PCDHA11: variants seen among roughly 807,000 people sequenced by gnomAD.
PCDHA11 encodes protocadherin alpha 11.
Under a neutral mutation model 70.3 loss-of-function variants are expected in PCDHA11, and 61 were observed. That is an observed-to-expected ratio of 0.87 (90% CI 0.71 to 1.07). PCDHA11 has a LOEUF of 1.07. PCDHA11 is among the 50% of genes least tolerant of loss of function. The probability of loss-of-function intolerance (pLI) is 0.00; values close to 1 mark genes in which losing one functional copy is unlikely to be tolerated. For synonymous variants in PCDHA11, 633 were observed against 555.1 expected (o/e 1.14, Z -1.97); for missense variants, 1,324 against 1,237.5 (o/e 1.07, Z -1.05).
chr5:140,983,334 T>A (rs1314550664), intron 3 of PCDHA11, among the ~76,000 whole-genome samples: 1 of 152,234 alleles, frequency 6.6e-6, no homozygotes, highest in African/African-American at 2.4e-5. Context: ...GCCCTATCAC[T>A]AAAGCAGGGT....
intron 3 of PCDHA11, among the ~76,000 whole-genome samples, chr5:140,991,686 A>G (rs2097465682): frequency 6.6e-6 from 1 of 152,196 alleles, no homozygotes; most frequent in Non-Finnish European, 1.5e-5. Context: ...AGTCCTCTCT[A>G]GTAGAGCCAT....
intron 1 of PCDHA11, chr5:140,966,228 A>G: frequency 3.6e-6 from 1 of 275,386 alleles, no homozygotes; most frequent in Admixed American, 5.3e-5. Context: ...AATCTCCTTA[A>G]AGACCCGTTA....
chr5:140,984,389 A>T (rs1346769556), intron 3 of PCDHA11, among the ~76,000 whole-genome samples: 2 of 152,208 alleles, frequency 1.3e-5, no homozygotes, highest in African/African-American at 4.8e-5. Flanking sequence ...AGATTCAAAA[A>T]ATGTTGAGAA....
chr5:140,880,801 GAA>G (rs1193515493), intron 1 of PCDHA11, among the ~76,000 whole-genome samples: 5 of 152,182 alleles, frequency 3.3e-5, no homozygotes, highest in African/African-American at 1.2e-4. Flanking sequence ...ATAAATAGGT[GAA>G]TGACTCTAGA....
intron 1 of PCDHA11, chr5:140,967,149 C>A (rs781864120): frequency 1.3e-5 from 21 of 1,610,890 alleles, no homozygotes; most frequent in Non-Finnish European, 1.7e-5. Flanking sequence ...GCGCACAACC[C>A]CGTGGCGGTG....
chr5:140,909,397 G>C (rs564100527), intron 1 of PCDHA11, among the ~76,000 whole-genome samples: 1 of 152,320 alleles, frequency 6.6e-6, no homozygotes, highest in East Asian at 1.9e-4. Flanking sequence ...TACAGCAGCT[G>C]CAATTGCAGT....
intron 1 of PCDHA11, among the ~76,000 whole-genome samples, chr5:140,900,759 A>G (rs1419646582): frequency 6.6e-6 from 1 of 152,044 alleles, no homozygotes; most frequent in Non-Finnish European, 1.5e-5. Context: ...TGGTAGCTCT[A>G]TTTTTGGCTT....
intron 1 of PCDHA11, among the ~76,000 whole-genome samples, chr5:140,913,928 G>A (rs2076511708): frequency 1.3e-5 from 2 of 151,918 alleles, no homozygotes; most frequent in Non-Finnish European, 2.9e-5. Flanking sequence ...CTTCATTGTG[G>A]TCAGAGAAGA....
chr5:140,966,750 C>A, intron 1 of PCDHA11: 1 of 1,428,438 alleles, frequency 7.0e-7, no homozygotes, highest in South Asian at 1.5e-5. Flanking sequence ...CGGCTGCCTC[C>A]GCCGCGGCCA....
In PCDHA11 at chr5:140,870,622, G is replaced by A. The variant is rs377101052; in HGVS notation, c.1519G>A (p.Val507Met). The change falls in exon 1 of 4, where the codon GTG (valine) becomes ATG (methionine). Residue 507 changes from valine (V) to methionine (M), a missense_variant. By Grantham distance (21) the Val-to-Met change is conservative (BLOSUM62 1). Transcript: ENST00000398640. Reference protein sequence around the residue: ...RLGDRALSSYVSVHAESGKVY... With the variant: ...RLGDRALSSYMSVHAESGKVY... Reference sequence around the variant, plus strand: ...GGGCGACCGCGCGCTGTCGAGCTACGTGTCGGTGCACGCGGAGAGCGGCAA... The same window carrying A: ...GGGCGACCGCGCGCTGTCGAGCTACATGTCGGTGCACGCGGAGAGCGGCAA... The A allele has an allele frequency of 6.2e-7, 1 of 1,613,120 alleles. No individual in the cohort carries two copies. The highest frequency in any genetic ancestry group is 1.7e-5 in the Admixed American group (1 of 60,012).
chr5:140,897,309 A>G (rs1165791921), intron 1 of PCDHA11, among the ~76,000 whole-genome samples: 3 of 148,098 alleles, frequency 2.0e-5, no homozygotes, highest in Non-Finnish European at 3.0e-5. Flanking sequence ...CATTAGGTAT[A>G]TCTCCTAAAG....
At chr5:140,950,746 T>C (rs2094515579) in intron 1 of PCDHA11, among the ~76,000 whole-genome samples, 1 of 152,138 alleles carries the variant, frequency 6.6e-6, no homozygotes, top group Non-Finnish European at 1.5e-5. Context: ...AATTTCTCTC[T>C]ATCCTTTCTG....
intron 1 of PCDHA11, among the ~76,000 whole-genome samples, chr5:140,940,595 G>A (rs1233586288): frequency 2.0e-5 from 3 of 152,100 alleles, no homozygotes; most frequent in East Asian, 1.9e-4. Context: ...TTTCAGGCAT[G>A]AGCCGCTGCT....
intron 1 of PCDHA11, chr5:140,875,400 T>C: frequency 6.7e-7 from 1 of 1,485,268 alleles, no homozygotes; most frequent in Admixed American, 2.6e-5. Flanking sequence ...AAAGGGTGAC[T>C]GCTCATAAAA....
chr5:140,938,455 T>C (rs1317742854), intron 1 of PCDHA11, among the ~76,000 whole-genome samples: 1 of 152,196 alleles, frequency 6.6e-6, no homozygotes, highest in East Asian at 1.9e-4. Flanking sequence ...TTCCCTTTGT[T>C]TTTTAATTTA....
At chr5:141,003,771 T>G (rs1301111940) in intron 3 of PCDHA11, among the ~76,000 whole-genome samples, 4 of 152,250 alleles carry the variant, frequency 2.6e-5, no homozygotes, top group African/African-American at 9.6e-5. Context: ...CGTATTCTGT[T>G]AAATAAACTT....
At chr5:140,881,650 T>C (rs508730) in intron 1 of PCDHA11, among the ~76,000 whole-genome samples, 2,267 of 152,332 alleles carry the variant, frequency 0.015, 53 homozygotes, top group African/African-American at 0.052. Flanking sequence ...ATTTTTCACC[T>C]TCACCGATTT....
intron 1 of PCDHA11, among the ~76,000 whole-genome samples, chr5:140,951,536 C>T (rs1260106126): frequency 2.0e-5 from 3 of 151,914 alleles, no homozygotes; most frequent in Admixed American, 6.6e-5. Flanking sequence ...GGTGCAGGAG[C>T]AAGGGACGGG....
chr5:140,871,570 T>A, intron 1 of PCDHA11, 76 bp downstream of exon 1: 1 of 1,480,760 alleles, frequency 6.8e-7, no homozygotes, highest in Non-Finnish European at 9.0e-7. Context: ...TTCACGGATT[T>A]TTTAAGGGAA....
Sources: gnomAD v4.1 joint callset for allele counts (sites outside exome capture counted in the v4.1 genomes callset) on GRCh38, gnomAD v4.1.1 for gene constraint, MANE v1.5 for transcripts, NCBI Gene and HGNC (gene_info 2026-07-23, HGNC 2026-07-21) for gene names.